The following PHLPP1 variants were observed in gnomAD, a reference collection of about 807,000 sequenced individuals.
The protein encoded by PHLPP1 is PH domain leucine-rich repeat-containing protein phosphatase 1.
Under a neutral mutation model 117.2 loss-of-function variants are expected in PHLPP1, and 42 were observed. The ratio of observed to expected loss-of-function variants is 0.36; its 90% CI spans 0.28 to 0.46. PHLPP1 has a LOEUF of 0.46. Among genes scored for constraint, PHLPP1 ranks in the 20% least tolerant of loss-of-function variants. The probability of loss-of-function intolerance (pLI) is 1.00; values close to 1 mark genes in which losing one functional copy is unlikely to be tolerated. For missense variants in PHLPP1, 2,084 were observed against 2,241.9 expected (o/e 0.93, Z 1.42); for synonymous variants, 1,042 against 970.7 (o/e 1.07, Z -1.37).
At chr18:62,757,661 T>A (rs746411248) in intron 1 of PHLPP1, among the ~76,000 whole-genome samples, 21 of 152,244 alleles carry the variant, frequency 1.4e-4, no homozygotes, top group Non-Finnish European at 2.5e-4. Context: ...TAAACACATG[T>A]AGTTTTTCTT....
intron 14 of PHLPP1, among the ~76,000 whole-genome samples, chr18:62,971,034 G>A (rs532369347): frequency 2.4e-4 from 37 of 152,198 alleles, no homozygotes; most frequent in African/African-American, 7.2e-4. Context: ...GTTGTTTTCC[G>A]TTGGTACGTT....
At chr18:62,823,291 C>T (rs984396957) in intron 1 of PHLPP1, among the ~76,000 whole-genome samples, 4 of 152,002 alleles carry the variant, frequency 2.6e-5, no homozygotes, top group African/African-American at 9.7e-5. Context: ...GAAGTCTGGG[C>T]ACAGCGACTC....
At position 62,955,842 on chromosome 18, in the gene PHLPP1, C is replaced by T. The variant is rs147747550; in HGVS notation, c.3325-2787C>T. Among the ~76,000 whole-genome samples the T allele has an allele frequency of 8.1e-4, 123 of 152,246 alleles. 1 individual carries two copies. The highest frequency in any genetic ancestry group is 2.8e-3 in the African/African-American group (115 of 41,536). Reference sequence around the variant, plus strand: ...TCAACTACTTGCATCCTAAATTACTCACACTTATTAGCTCTTTATTTCCTG... The same window carrying T: ...TCAACTACTTGCATCCTAAATTACTTACACTTATTAGCTCTTTATTTCCTG... On this transcript the variant is annotated intron_variant, in intron 12 of 16. Coordinates refer to ENST00000262719, the MANE Select transcript of PHLPP1 (RefSeq NM_194449.4).
chr18:62,818,218 T>A (rs1485878788), intron 1 of PHLPP1, among the ~76,000 whole-genome samples: 1 of 151,998 alleles, frequency 6.6e-6, no homozygotes, highest in Non-Finnish European at 1.5e-5. Flanking sequence ...AGCTTTGACC[T>A]AGAATTCTGT....
At chr18:62,789,335 A>G (rs532890457) in intron 1 of PHLPP1, among the ~76,000 whole-genome samples, 1 of 152,288 alleles carries the variant, frequency 6.6e-6, no homozygotes, top group East Asian at 1.9e-4. Flanking sequence ...TCAGATGGCT[A>G]TATGTGTGTT....
At position 62,961,243 on chromosome 18, in the gene PHLPP1, C is replaced by T. The variant is rs187898670; in HGVS notation, c.3456-2125C>T. On this transcript the variant is annotated intron_variant, in intron 13 of 16. Transcript: ENST00000262719. ...CCTGGGGGCGGAGGTTGCAGTGAGC[C>T]GTGTTACGCTATTGTACTCCAGCCT... Among the ~76,000 whole-genome samples the T allele has an allele frequency of 9.2e-5, 14 of 152,240 alleles. No individual in the cohort carries two copies. The East Asian group carries it at 2.5e-3, about 27-fold the overall frequency.
At chr18:62,851,130 T>C (rs500978) in intron 3 of PHLPP1, among the ~76,000 whole-genome samples, 122,660 of 152,120 alleles carry the variant, frequency 0.81, 49,699 homozygotes, top group Non-Finnish European at 0.82. Flanking sequence ...GAATGATTCA[T>C]TCAGGTTAGC....
At chr18:62,731,975 C>A (rs1417845261) in intron 1 of PHLPP1, among the ~76,000 whole-genome samples, 2 of 152,026 alleles carry the variant, frequency 1.3e-5, no homozygotes, top group Non-Finnish European at 2.9e-5. Flanking sequence ...GAGGTTGGTT[C>A]ATGAGATTGA....
intron 1 of PHLPP1, among the ~76,000 whole-genome samples, chr18:62,725,873 G>C (rs1911053311): frequency 1.3e-5 from 2 of 152,062 alleles, no homozygotes; most frequent in South Asian, 4.1e-4. Flanking sequence ...AATGAGTAAA[G>C]GAACTTTTAA....
chr18:62,778,871 A>G (rs1473305673), intron 1 of PHLPP1, among the ~76,000 whole-genome samples: 2 of 152,202 alleles, frequency 1.3e-5, no homozygotes, highest in African/African-American at 4.8e-5. Flanking sequence ...TGCTCATATT[A>G]TGCTTTGGAA....
chr18:62,890,079 C>T (rs1328193998), intron 4 of PHLPP1, among the ~76,000 whole-genome samples: 11 of 100,792 alleles, frequency 1.1e-4, no homozygotes, highest in African/African-American at 3.6e-4. Flanking sequence ...GTTCTCTTTA[C>T]GTAAAGCTAG....
intron 3 of PHLPP1, among the ~76,000 whole-genome samples, chr18:62,856,017 G>GA (rs1244304762): frequency 4.6e-5 from 7 of 152,134 alleles, no homozygotes. Flanking sequence ...CAAAGATAGA[G>GA]AAAAAATAAG....
At chr18:62,957,955 G>C (rs1416648879) in intron 12 of PHLPP1, among the ~76,000 whole-genome samples, 1 of 152,134 alleles carries the variant, frequency 6.6e-6, no homozygotes, top group African/African-American at 2.4e-5. Context: ...TGATACGCCT[G>C]CCTCTGCCTC....
chr18:62,913,006 A>C (rs1170704699), intron 8 of PHLPP1, among the ~76,000 whole-genome samples: 1 of 152,182 alleles, frequency 6.6e-6, no homozygotes, highest in Non-Finnish European at 1.5e-5. Context: ...TGAAACCCCT[A>C]AGTGAGACTG....
Position 62,971,391 on chromosome 18 carries a change from CCT to C in PHLPP1, c.3561-1118_3561-1117del, listed in dbSNP as rs966191011. 7.6e-5 allele frequency among the ~76,000 whole-genome samples: 11 copies of C among 144,800 alleles called. No individual in the cohort carries two copies. The South Asian group carries it at 1.1e-3, about 14-fold the overall frequency. The allele number at this position is 144,800 out of a possible 152,430, so 95.0% of individuals were successfully genotyped here. A position where few individuals can be genotyped will look rare whatever the true frequency, so the allele number is the denominator to read the frequency against. ...TTTTTTTTCCCAGTCTTTTTTTTTT[CCT>C]CTCTGTTTCATTTTGGACAGTTTCT... On this transcript the variant is annotated intron_variant, in intron 14 of 16. Coordinates refer to ENST00000262719, the MANE Select transcript of PHLPP1 (RefSeq NM_194449.4).
In PHLPP1 at chr18:62,975,464, G is replaced by C. The variant is rs779550277; in HGVS notation, c.3823G>C (p.Val1275Leu). The C allele has an allele frequency of 6.2e-7, 1 of 1,613,796 alleles. No individual in the cohort carries two copies. Among genetic ancestry groups the C allele is most frequent in the Non-Finnish European group, 8.5e-7 (1 of 1,179,696 alleles). Reference protein sequence around the residue: ...AVLCHIKHDPVDPGGSFTLTS... With the variant: ...AVLCHIKHDPLDPGGSFTLTS... ...CCTTTGTCATATCAAGCATGACCCT[G>C]TGGATCCAGGAGGATCCTTCACCTT... Residue 1275 changes from valine to leucine, a missense_variant, in exon 16 of 17, where the codon GTG becomes CTG. Val to Leu is a conservative substitution (Grantham distance 32). This residue lies in a region of PHLPP1 where 1,365 missense variants were observed against 1,605.9 expected (regional missense o/e 0.85). Transcript: ENST00000262719.
intron 1 of PHLPP1, among the ~76,000 whole-genome samples, chr18:62,774,749 C>G (rs1450224435): frequency 6.6e-6 from 1 of 151,976 alleles, no homozygotes; most frequent in African/African-American, 2.4e-5. Context: ...TGGGCTCATT[C>G]TTTCTGGCTA....
rs955782428 is a variant in PHLPP1, at chr18:62,938,208, T to A, written c.2961-3510T>A. 3.3e-5 allele frequency among the ~76,000 whole-genome samples: 5 copies of A among 152,168 alleles called. No homozygotes were observed. In the South Asian group the frequency reaches 1.0e-3, roughly 32 times the overall value. On this transcript the variant is annotated intron_variant, in intron 10 of 16. Coordinates refer to ENST00000262719, the MANE Select transcript of PHLPP1 (RefSeq NM_194449.4). ...AACCATCTTTTTTATAGTATACTTA[T>A]TACAAAATTCTGTAAGGAAGAAGCT...
At chr18:62,973,438 A>G (rs1337014350) in intron 15 of PHLPP1, among the ~76,000 whole-genome samples, 2 of 152,142 alleles carry the variant, frequency 1.3e-5, no homozygotes, top group Admixed American at 6.5e-5. Flanking sequence ...TGTGCTGCAG[A>G]CTCACTCATG....
Sources: allele counts gnomAD v4.1 joint callset (sites outside exome capture counted in the v4.1 genomes callset), GRCh38; gene constraint gnomAD v4.1.1; regional missense constraint gnomAD v4.1.1; transcripts MANE v1.5; gene names NCBI Gene and HGNC (gene_info 2026-07-23, HGNC 2026-07-21).